TPM1: variants seen among roughly 807,000 people sequenced by gnomAD.
TPM1 encodes tropomyosin alpha-1 chain.
A neutral mutation model predicts 42.9 loss-of-function variants in TPM1; 24 were observed. The ratio of observed to expected loss-of-function variants is 0.56; its 90% CI spans 0.41 to 0.79. The LOEUF is 0.79. Ranked by LOEUF, TPM1 falls within the 30% of genes least tolerant of loss-of-function variation. TPM1 has a pLI of 0.00. For missense variants in TPM1, 158 were observed against 351.8 expected, an observed-to-expected ratio of 0.45 and a Z score of 4.41; for synonymous variants, 136 against 130.1, an observed-to-expected ratio of 1.05 and a Z score of -0.31.
chr15:63,071,155 G>C, downstream of TPM1: 1 of 1,614,034 alleles, frequency 6.2e-7, no homozygotes, highest in Non-Finnish European at 8.5e-7. Context: ...GACTTTACTG[G>C]AGTTAAACAA....
At chr15:63,061,287 G>A (rs397516381) in intron 5 of TPM1, 16 of 1,613,850 alleles carry the variant, frequency 9.9e-6, no homozygotes, top group African/African-American at 6.7e-5. Context: ...CTGATGGCTC[G>A]TGTGGTTTTT....
rs397516489 is a variant in TPM1 at position 63,048,609 on chromosome 15, A to T, written c.240+4457A>T. 4.6e-6 allele frequency: 7 copies of T among 1,533,448 alleles called. No homozygotes were observed. In the African/African-American group the frequency reaches 8.5e-5, roughly 19 times the overall value. The allele number at this position is 1,533,448 out of a possible 1,614,324, so 95.0% of individuals were successfully genotyped here. A position where few individuals can be genotyped will look rare whatever the true frequency, so the allele number is the denominator to read the frequency against. ...GAGTAGCTCGCTGGAGGCGGTGCGC[A>T]GGAAGATCCGGAGCCTGCAGGAGCA... On this transcript the variant is annotated intron_variant, in intron 2 of 9. Coordinates refer to ENST00000403994, the MANE Select transcript of TPM1 (RefSeq NM_001018005.2).
intron 6 of TPM1, 80 bp downstream of exon 6, chr15:63,061,868 C>G (rs1024579406): frequency 1.2e-5 from 15 of 1,253,006 alleles, no homozygotes; most frequent in Admixed American, 7.4e-5. Flanking sequence ...GCAACACTTA[C>G]AGTAGACATT....
intron 5 of TPM1, 154 bp downstream of exon 5, chr15:63,061,093 G>A (rs920908425): frequency 3.5e-6 from 5 of 1,439,712 alleles, no homozygotes; most frequent in Non-Finnish European, 9.8e-7. Flanking sequence ...GGAACATGGA[G>A]GACTCGTGTG....
At chr15:63,071,377 G>A (rs185193487) in exon 9 of TPM1, 124 of 538,770 alleles carry the variant, frequency 2.3e-4, no homozygotes, top group Middle Eastern at 2.1e-3. Context: ...GCCATTTCCC[G>A]GGTTGATGCT....
chr15:63,044,372 C>G, intron 2 of TPM1: 1 of 711,190 alleles, frequency 1.4e-6, no homozygotes, highest in South Asian at 1.8e-5. Context: ...TCCTTTACCT[C>G]CCTGGGGGTG....
intron 8 of TPM1, chr15:63,063,722 C>T: frequency 3.9e-6 from 1 of 257,600 alleles, no homozygotes; most frequent in South Asian, 6.3e-5. Context: ...GAAAGATGTT[C>T]CATTAGCCCC....
intron 3 of TPM1, 142 bp downstream of exon 3, chr15:63,057,260 C>A: frequency 2.4e-6 from 3 of 1,227,874 alleles, no homozygotes; most frequent in Non-Finnish European, 3.5e-6. Context: ...AGGTATAACT[C>A]GGTTGGTTTT....
intron 9 of TPM1, chr15:63,064,489 C>T (rs557925611): frequency 1.8e-6 from 2 of 1,097,122 alleles, no homozygotes; most frequent in South Asian, 2.8e-5. Context: ...AGGAACTTCT[C>T]AAAAAATATC....
At chr15:63,063,175 T>C (rs1290101835) in intron 8 of TPM1, 1 of 985,256 alleles carries the variant, frequency 1.0e-6, no homozygotes, top group Non-Finnish European at 1.2e-6. Flanking sequence ...TTAGGTTTTA[T>C]TTTAGTAATA....
chr15:63,067,158 G>A (rs117946881), downstream of TPM1, among the ~76,000 whole-genome samples: 572 of 151,898 alleles, frequency 3.8e-3, 6 homozygotes, highest in East Asian at 0.04. Flanking sequence ...TTTTTAGCCC[G>A]AGAGGGCTGA....
intron 1 of TPM1, 93 bp from the exon 2 acceptor site, chr15:63,043,934 C>G (rs1382284827): frequency 1.9e-6 from 3 of 1,559,288 alleles, no homozygotes; most frequent in Non-Finnish European, 2.6e-6. Context: ...CTGTCCCTGT[C>G]CTTCTGGTTC....
At chr15:63,062,333 G>T (rs1411452136) in intron 7 of TPM1, 56 bp downstream of exon 7, 7 of 1,548,230 alleles carry the variant, frequency 4.5e-6, no homozygotes, top group Non-Finnish European at 5.4e-6. Flanking sequence ...TTGTTTTCAT[G>T]GAACCGGTCA....
At chr15:63,071,591 CT>C in exon 9 of TPM1, 1 of 257,708 alleles carries the variant, frequency 3.9e-6, no homozygotes, top group African/African-American at 2.2e-5. Flanking sequence ...CAATGTAGAA[CT>C]CTGTCCAACA....
intron 2 of TPM1, chr15:63,048,453 A>G: frequency 1.5e-6 from 2 of 1,359,678 alleles, no homozygotes; most frequent in Non-Finnish European, 1.9e-6. Flanking sequence ...CCGCCATCGC[A>G]CAGAGAGGCC....
In TPM1 at chr15:63,064,053, C is replaced by T; in HGVS notation, c.773-11C>T. The T allele has an allele frequency of 6.2e-7, 1 of 1,613,868 alleles. No homozygotes were observed. The highest frequency in any genetic ancestry group is 8.5e-7 in the Non-Finnish European group (1 of 1,180,010). ...GTTCTTGCACCTCTGCCTTCCACTTCCTGGTCATAGACGAGCTGTACGCTC... is the reference window on the plus strand; with the variant it reads ...GTTCTTGCACCTCTGCCTTCCACTTTCTGGTCATAGACGAGCTGTACGCTC... On this transcript the variant is annotated splice_polypyrimidine_tract_variant and intron_variant, in intron 8 of 9. Transcript: ENST00000403994.
intron 5 of TPM1, chr15:63,061,418 G>A: frequency 1.2e-6 from 1 of 841,608 alleles, no homozygotes; most frequent in Admixed American, 2.0e-5. Flanking sequence ...CTTTCCCTTG[G>A]TCCTTTATGC....
downstream of TPM1, chr15:63,070,326 G>GTA (rs60393555): frequency 0.019 from 12,311 of 632,976 alleles, 758 homozygotes; most frequent in African/African-American, 0.042. Context: ...GTGTGTGTGT[G>GTA]TATATATTCC....
At chr15:63,050,083 A>C (rs1167144833) in intron 2 of TPM1, among the ~76,000 whole-genome samples, 1 of 152,198 alleles carries the variant, frequency 6.6e-6, no homozygotes, top group African/African-American at 2.4e-5. Flanking sequence ...AACAGCATCT[A>C]CCTGTCGGTT....
Sources: gnomAD v4.1 joint callset for allele counts (sites outside exome capture counted in the v4.1 genomes callset) on GRCh38, gnomAD v4.1.1 for gene constraint, MANE v1.5 for transcripts, NCBI Gene and HGNC (gene_info 2026-07-23, HGNC 2026-07-21) for gene names.